Variants in L3MBTL4 observed in about 807,000 individuals in gnomAD.
L3MBTL4 encodes the protein L3MBTL histone methyl-lysine binding protein 4, also known as lethal(3)malignant brain tumor-like protein 4.
A neutral mutation model predicts 84.5 loss-of-function variants in L3MBTL4; 70 were observed. The observed-to-expected ratio is 0.83, with a 90% CI of 0.68 to 1.01. The LOEUF (loss-of-function observed/expected upper bound fraction) is 1.01, where lower values mean the gene tolerates loss of function less well. Ranked by LOEUF, L3MBTL4 falls within the 50% of genes least tolerant of loss-of-function variation. L3MBTL4 has a pLI of 0.00. For synonymous variants in L3MBTL4, 274 were observed against 259.8 expected, an observed-to-expected ratio of 1.05 and a Z score of -0.52; for missense variants, 715 against 754.8, an observed-to-expected ratio of 0.95 and a Z score of 0.62.
chr18:6,307,477 T>C (rs2050643619), intron 3 of L3MBTL4, among the ~76,000 whole-genome samples: 1 of 151,970 alleles, frequency 6.6e-6, no homozygotes, highest in African/African-American at 2.4e-5. Flanking sequence ...CAATTAGATT[T>C]ACCAGGTTGG....
chr18:6,093,586 C>A, intron 14 of L3MBTL4, 58 bp from the exon 15 acceptor site: 1 of 1,434,544 alleles, frequency 7.0e-7, no homozygotes, highest in South Asian at 1.5e-5. Flanking sequence ...ATCAGGGATC[C>A]ATTGTCATTA....
At chr18:6,127,703 C>A (rs1013920430) in intron 14 of L3MBTL4, among the ~76,000 whole-genome samples, 11 of 152,244 alleles carry the variant, frequency 7.2e-5, no homozygotes, top group African/African-American at 2.2e-4. Context: ...CAAGAGTCTG[C>A]AGATAGAGGA....
chr18:6,363,745 GAGCCC>G (rs2053813828), intron 1 of L3MBTL4, among the ~76,000 whole-genome samples: 3 of 152,100 alleles, frequency 2.0e-5, no homozygotes, highest in Admixed American at 1.3e-4. Flanking sequence ...CTCAGTGAAG[GAGCCC>G]AGCTTTGAAC....
At chr18:6,339,146 G>A (rs1234784776) in intron 1 of L3MBTL4, among the ~76,000 whole-genome samples, 1 of 152,036 alleles carries the variant, frequency 6.6e-6, no homozygotes, top group Non-Finnish European at 1.5e-5. Context: ...CACATGATGC[G>A]GTTCACAAGT....
chr18:6,266,346 T>C (rs2048631592), intron 4 of L3MBTL4, among the ~76,000 whole-genome samples: 1 of 152,228 alleles, frequency 6.6e-6, no homozygotes, highest in Non-Finnish European at 1.5e-5. Flanking sequence ...TTTTAAAAAT[T>C]ATCTGCAAGT....
intron 16 of L3MBTL4, among the ~76,000 whole-genome samples, chr18:6,044,700 A>C (rs999530379): frequency 1.3e-5 from 2 of 152,164 alleles, no homozygotes; most frequent in African/African-American, 4.8e-5. Context: ...GGGAAGAAAA[A>C]AATATGAGTC....
chr18:6,046,517 C>A (rs1322889691), intron 16 of L3MBTL4, among the ~76,000 whole-genome samples: 1 of 152,082 alleles, frequency 6.6e-6, no homozygotes, highest in Admixed American at 6.6e-5. Context: ...TAAAGCAAGT[C>A]TCAATAAATT....
intron 16 of L3MBTL4, among the ~76,000 whole-genome samples, chr18:6,034,273 A>G (rs2055993285): frequency 1.3e-5 from 2 of 151,986 alleles, no homozygotes; most frequent in Non-Finnish European, 1.5e-5. Flanking sequence ...CATTAGGTAT[A>G]TCTCCCAATG....
chr18:6,315,501 A>G (rs1277410545), intron 1 of L3MBTL4, among the ~76,000 whole-genome samples: 6 of 152,194 alleles, frequency 3.9e-5, no homozygotes, highest in Non-Finnish European at 1.5e-5. Context: ...GCCCGACAAT[A>G]TGTGTACCAC....
At chr18:6,063,516 A>T (rs2057303727) in intron 16 of L3MBTL4, among the ~76,000 whole-genome samples, 1 of 151,764 alleles carries the variant, frequency 6.6e-6, no homozygotes, top group African/African-American at 2.4e-5. Flanking sequence ...CACCACATCC[A>T]TGCCAACATC....
At chr18:6,064,596 A>AG (rs1183443499) in intron 16 of L3MBTL4, among the ~76,000 whole-genome samples, 157 of 46,566 alleles carry the variant, frequency 3.4e-3, no homozygotes, top group African/African-American at 0.014. Flanking sequence ...GTATATTCCT[A>AG]GGTTTTTTTT....
chr18:6,093,850 A>C lies in L3MBTL4; in HGVS notation c.1200-322T>G, dbSNP rs80243600. Among the ~76,000 whole-genome samples the C allele has an allele frequency of 8.5e-3, 1,288 of 152,350 alleles. 18 individuals are homozygous for C. Among genetic ancestry groups the C allele is most frequent in the African/African-American group, 0.029 (1,204 of 41,568 alleles). Reference sequence around the variant, plus strand: ...ACAATGCAAATGTCACATAACACTTAACTCAGTTTGTATCCTCAATATGCA... The same window carrying C: ...ACAATGCAAATGTCACATAACACTTCACTCAGTTTGTATCCTCAATATGCA... On this transcript the variant is annotated intron_variant, in intron 14 of 18. Coordinates refer to ENST00000317931, the MANE Select transcript of L3MBTL4 (RefSeq NM_001330559.2).
intron 16 of L3MBTL4, among the ~76,000 whole-genome samples, chr18:6,049,332 C>A (rs1212355791): frequency 1.3e-5 from 2 of 152,114 alleles, no homozygotes; most frequent in African/African-American, 2.4e-5. Flanking sequence ...AGAAAATATT[C>A]TCATACTGTG....
At chr18:6,167,215 A>C (rs8083381) in intron 13 of L3MBTL4, among the ~76,000 whole-genome samples, 11,067 of 152,170 alleles carry the variant, frequency 0.073, 1,361 homozygotes, top group African/African-American at 0.25. Context: ...AGTCCAGGAC[A>C]AGATGGATTC....
intron 1 of L3MBTL4, among the ~76,000 whole-genome samples, chr18:6,403,886 C>CAT (rs200601136): frequency 0.051 from 7,791 of 152,148 alleles, 278 homozygotes; most frequent in Admixed American, 0.11. Context: ...GAAAATGTGG[C>CAT]ATATATATAC....
intron 1 of L3MBTL4, among the ~76,000 whole-genome samples, chr18:6,313,253 A>T (rs1020807222): frequency 6.6e-6 from 1 of 152,172 alleles, no homozygotes; most frequent in Non-Finnish European, 1.5e-5. Flanking sequence ...CTACATAAAC[A>T]TGTCTCTCTG....
intron 1 of L3MBTL4, among the ~76,000 whole-genome samples, chr18:6,355,619 T>C (rs971223819): frequency 3.3e-5 from 5 of 152,164 alleles, no homozygotes; most frequent in Admixed American, 2.6e-4. Flanking sequence ...AAAATGGAAT[T>C]GTTCTAAATA....
intron 14 of L3MBTL4, among the ~76,000 whole-genome samples, chr18:6,113,266 C>G (rs9948450): frequency 0.28 from 42,567 of 151,846 alleles, 6,699 homozygotes; most frequent in East Asian, 0.58. Flanking sequence ...TAACTCATAT[C>G]TGATTAGTAT....
intron 14 of L3MBTL4, 29 bp from the exon 15 acceptor site, chr18:6,093,557 C>T (rs1401823293): frequency 6.3e-7 from 1 of 1,596,098 alleles, no homozygotes; most frequent in Non-Finnish European, 8.5e-7. Context: ...AGAGCACAGT[C>T]ATCAGTATAC....
Sources: gnomAD v4.1 joint callset for allele counts (sites outside exome capture counted in the v4.1 genomes callset) on GRCh38, gnomAD v4.1.1 for gene constraint, MANE v1.5 for transcripts, NCBI Gene and HGNC (gene_info 2026-07-23, HGNC 2026-07-21) for gene names.